The following TMTC4 variants were observed in gnomAD, a reference collection of about 807,000 sequenced individuals.
TMTC4 encodes protein O-mannosyl-transferase TMTC4.
A neutral mutation model predicts 86.0 loss-of-function variants in TMTC4; 65 were observed. The observed-to-expected ratio is 0.76, with a 90% confidence interval of 0.62 to 0.93. The LOEUF (loss-of-function observed/expected upper bound fraction) is 0.93, where lower values mean the gene tolerates loss of function less well. Ranked by LOEUF, TMTC4 falls within the 40% of genes least tolerant of loss-of-function variation. TMTC4 has a pLI of 0.00. For synonymous variants in TMTC4, 379 were observed against 382.5 expected, an observed-to-expected ratio of 0.99 and a Z score of 0.11; for missense variants, 866 against 948.1, an observed-to-expected ratio of 0.91 and a Z score of 1.14.
At chr13:100,653,546 C>G (rs1308241417) in intron 6 of TMTC4, among the ~76,000 whole-genome samples, 1 of 152,194 alleles carries the variant, frequency 6.6e-6, no homozygotes, top group Non-Finnish European at 1.5e-5. Context: ...ATGTGGGACA[C>G]AGGGGACTCC....
At position 100,668,798 on chromosome 13, in the gene TMTC4, C is replaced by T. The variant is rs1281539428; in HGVS notation, c.4-4G>A. On this transcript the variant is annotated splice_region_variant and splice_polypyrimidine_tract_variant and intron_variant, in intron 2 of 18. Coordinates refer to ENST00000342624, the MANE Select transcript of TMTC4 (RefSeq NM_032813.5). ...CAGCATTATGCTGGTTAGGAATCTG[C>T]AGGAAAAACAACACTGTATAAATAT... The T allele has an allele frequency of 4.3e-6, 7 of 1,613,696 alleles. No individual in the cohort carries two copies. The East Asian group carries it at 8.9e-5, about 21-fold the overall frequency.
chr13:100,634,919 G>A lies in TMTC4; in HGVS notation c.1392C>T (p.Val464=), dbSNP rs761524421. 9.9e-6 allele frequency: 16 copies of A among 1,613,908 alleles called. No homozygotes were observed. The highest frequency in any genetic ancestry group is 4.4e-5 in the South Asian group (4 of 91,050). ...HTKKKKLIAA[V]VLGILFINTL... ...TGTTGATGAATAAGATTCCCAGCAC[G>A]ACAGCGGCAATGAGTTTCTTAAGAA... is the stretch of plus-strand genomic sequence containing the variant. The change falls in exon 12 of 19, where the codon GTC becomes GTT. Residue 464 remains valine, a synonymous_variant. Coordinates refer to ENST00000342624, the MANE Select transcript of TMTC4 (RefSeq NM_032813.5).
intron 1 of TMTC4, 51 bp downstream of exon 1, chr13:100,674,693 C>A (rs1276690196): frequency 1.8e-5 from 18 of 983,112 alleles, no homozygotes; most frequent in Non-Finnish European, 2.1e-5. Flanking sequence ...GCGTCCAACT[C>A]CGCTCGCCCC....
At position 100,635,048 on chromosome 13, in the gene TMTC4, G is replaced by A. The variant is rs939471959; in HGVS notation, c.1350C>T (p.Ala450=). The A allele has an allele frequency of 3.7e-6, 6 of 1,612,734 alleles. No homozygotes were observed. The African/African-American group carries it at 6.7e-5, about 18-fold the overall frequency. ...CCTTTTTCTTGGTATGTTTGCTCAG[G>A]GCTCCGAATCCAAAAGTCAGCAGCA... ...YCVLLTFGFG[A]LSKHTKKKKL... Residue 450 remains alanine (A), a synonymous_variant, in exon 11 of 19, where the codon GCC becomes GCT. Coordinates refer to ENST00000342624, the MANE Select transcript of TMTC4 (RefSeq NM_032813.5).
chr13:100,654,290 T>G (rs1884808751), intron 6 of TMTC4, among the ~76,000 whole-genome samples: 1 of 152,320 alleles, frequency 6.6e-6, no homozygotes, highest in Admixed American at 6.5e-5. Context: ...AATTTAACAT[T>G]AAAGGCCTCA....
intron 5 of TMTC4, 57 bp from the exon 6 acceptor site, chr13:100,656,525 A>G: frequency 1.7e-6 from 2 of 1,173,126 alleles, no homozygotes; most frequent in East Asian, 5.5e-5. Context: ...AGGAAATCCT[A>G]AACTTAGGAG....
At chr13:100,674,845 C>A, upstream of TMTC4, 1 of 974,402 alleles carries the variant, frequency 1.0e-6, no homozygotes, top group Non-Finnish European at 1.2e-6. Flanking sequence ...GGCCGCCCGC[C>A]GCGCACCCGA....
At position 100,604,709 on chromosome 13, in the gene TMTC4, C is replaced by A; in HGVS notation, c.*285G>T. 3.9e-6 allele frequency: 1 copy of A among 259,366 alleles called. No homozygotes were observed. Among genetic ancestry groups the A allele is most frequent in the South Asian group, 7.6e-5 (1 of 13,238 alleles). 16.1% of individuals were successfully genotyped at this position (259,366 alleles called of 1,614,324 possible). Reference sequence around the variant, plus strand: ...AAGCTCAATTCTACTAAAAGTTGCTCAAGATAATTTTTTCTCTTTTTCTGT... The same window carrying A: ...AAGCTCAATTCTACTAAAAGTTGCTAAAGATAATTTTTTCTCTTTTTCTGT... On this transcript the variant is annotated 3_prime_UTR_variant, in exon 19 of 19. Transcript: ENST00000342624.
At chr13:100,674,424 T>G in intron 1 of TMTC4, 1 of 905,850 alleles carries the variant, frequency 1.1e-6, no homozygotes, top group Non-Finnish European at 1.3e-6. Flanking sequence ...CCGGCGCGGC[T>G]GTGCAGGCAG....
intron 7 of TMTC4, among the ~76,000 whole-genome samples, chr13:100,639,051 C>T (rs1882652526): frequency 6.6e-6 from 1 of 152,216 alleles, no homozygotes; most frequent in Non-Finnish European, 1.5e-5. Context: ...CTGCTGCAGG[C>T]AGTGTCATCG....
intron 11 of TMTC4, 39 bp downstream of exon 11, chr13:100,634,985 T>A (rs1270792523): frequency 2.5e-6 from 4 of 1,609,414 alleles, no homozygotes; most frequent in Non-Finnish European, 3.4e-6. Flanking sequence ...ATGCATCCGG[T>A]CATTCTGTTC....
At position 100,626,096 on chromosome 13, in the gene TMTC4, T is replaced by C. The variant is rs780080726; in HGVS notation, c.1561A>G (p.Ile521Val). 1.9e-6 allele frequency: 3 copies of C among 1,614,234 alleles called. No homozygotes were observed. The highest frequency in any genetic ancestry group is 1.3e-5 in the African/African-American group (1 of 75,062). Residue 521 changes from isoleucine to valine, a missense_variant, in exon 13 of 19, where the codon ATC becomes GTC. By Grantham distance (29) the Ile-to-Val change is conservative. Transcript: ENST00000342624. ...CTTACAGCTTCCCGGTAGTATCTGA[T>C]GGCAGCTGTCTGGTTGCCTTTATCA... ...LADKGNQTAA[I>V]RYYREAVRLN... is the part of the protein sequence containing the mutation.
chr13:100,604,914 TG>T lies in TMTC4; in HGVS notation c.*79del. On this transcript the variant is annotated 3_prime_UTR_variant, in exon 19 of 19. Coordinates refer to ENST00000342624, the MANE Select transcript of TMTC4 (RefSeq NM_032813.5). ...AAATAACATGTCTAAGACTTTTAAATGGTTAAATGTAACCACATACTATTAA... is the reference window on the plus strand; with the variant it reads ...AAATAACATGTCTAAGACTTTTAAATGTTAAATGTAACCACATACTATTAA... 6.9e-7 allele frequency: 1 copy of T among 1,449,176 alleles called. No individual in the cohort carries two copies. 89.8% of individuals were successfully genotyped at this position (1,449,176 alleles called of 1,614,324 possible).
At position 100,668,614 on chromosome 13, in the gene TMTC4, C is replaced by G; in HGVS notation, c.184G>C (p.Val62Leu). ...ACAATAGCTTCTGAGTCATCAAAGA[C>G]AAAGTCTCCATCATAGCTGCGTGCA... ...CFARSYDGDF[V>L]FDDSEAIVNN... is the part of the protein sequence containing the mutation. The change falls in exon 3 of 19, where the codon GTC becomes CTC. Residue 62 changes from valine (V) to leucine (L), a missense_variant. By Grantham distance (32) the Val-to-Leu change is conservative. Transcript: ENST00000342624. 6.2e-7 allele frequency: 1 copy of G among 1,614,176 alleles called. No homozygotes were observed. The highest frequency in any genetic ancestry group is 8.5e-7 in the Non-Finnish European group (1 of 1,180,040).
intron 17 of TMTC4, among the ~76,000 whole-genome samples, chr13:100,607,637 A>T (rs1298268929): frequency 6.7e-6 from 1 of 149,764 alleles, no homozygotes; most frequent in Non-Finnish European, 1.5e-5. Context: ...TGGGCTTCCC[A>T]TATCTGTGAC....
chr13:100,648,791 G>C (rs576774259), intron 6 of TMTC4, among the ~76,000 whole-genome samples: 1 of 152,128 alleles, frequency 6.6e-6, no homozygotes, highest in East Asian at 1.9e-4. Flanking sequence ...GCAATCCTCC[G>C]GCCTCAGCCT....
rs570227883 is a variant in TMTC4 at position 100,606,433 on chromosome 13, A to C, written c.2065-6T>G. On this transcript the variant is annotated splice_polypyrimidine_tract_variant and splice_region_variant and intron_variant, in intron 17 of 18. Transcript: ENST00000342624. ...AGGAATAAAGCTTCAGATTCCTAAA[A>C]AATGAGAAACATAAAAAGGAAGATA... 4 of 1,609,380 alleles carry C rather than the reference A, an allele frequency of 2.5e-6. No homozygotes were observed. The East Asian group carries it at 8.9e-5, about 36-fold the overall frequency.
chr13:100,662,822 G>C, intron 5 of TMTC4, 142 bp downstream of exon 5: 1 of 791,128 alleles, frequency 1.3e-6, no homozygotes, highest in South Asian at 1.6e-5. Context: ...TCTATTTCTA[G>C]AGTATGTTGT....
chr13:100,612,514 G>C lies in TMTC4; in HGVS notation c.1952-4C>G, dbSNP rs199934505. On this transcript the variant is annotated splice_polypyrimidine_tract_variant and splice_region_variant and intron_variant, in intron 16 of 18. Transcript: ENST00000342624. ...GCTTCAGCTTGGGCTAAATTACCTGGGAGTGAAAAATGGAAAAATAAAAGA... is the reference window on the plus strand; with the variant it reads ...GCTTCAGCTTGGGCTAAATTACCTGCGAGTGAAAAATGGAAAAATAAAAGA... 6.2e-7 allele frequency: 1 copy of C among 1,604,160 alleles called. No homozygotes were observed. The highest frequency in any genetic ancestry group is 8.5e-7 in the Non-Finnish European group (1 of 1,174,620).
Sources: allele counts gnomAD v4.1 joint callset (sites outside exome capture counted in the v4.1 genomes callset), GRCh38; gene constraint gnomAD v4.1.1; transcripts MANE v1.5; gene names NCBI Gene and HGNC (gene_info 2026-07-23, HGNC 2026-07-21).